The following ATP8A1 variants were observed in gnomAD, a reference collection of about 807,000 sequenced individuals.
The protein encoded by ATP8A1 is phospholipid-transporting ATPase IA.
A neutral mutation model predicts 177.7 loss-of-function variants in ATP8A1; 90 were observed. The ratio of observed to expected loss-of-function variants is 0.51; its 90% CI spans 0.43 to 0.60. The LOEUF (loss-of-function observed/expected upper bound fraction) is 0.60. Among genes scored for constraint, ATP8A1 ranks in the 20% least tolerant of loss-of-function variants. ATP8A1 has a pLI of 0.00. For synonymous variants in ATP8A1, 493 were observed against 485.9 expected, an observed-to-expected ratio of 1.01 and a Z score of -0.19; for missense variants, 1,072 against 1,392.8, an observed-to-expected ratio of 0.77 and a Z score of 3.67.
chr4:42,427,916 CCA>C (rs560660534), intron 33 of ATP8A1, among the ~76,000 whole-genome samples: 64 of 152,298 alleles, frequency 4.2e-4, no homozygotes, highest in African/African-American at 1.4e-3. Flanking sequence ...TACAAACATC[CCA>C]CACAACTAAT....
intron 15 of ATP8A1, among the ~76,000 whole-genome samples, chr4:42,558,059 A>C (rs1730431202): frequency 6.6e-6 from 1 of 151,952 alleles, no homozygotes; most frequent in South Asian, 2.1e-4. Flanking sequence ...CAAAAACAAA[A>C]ACAAAAAAAC....
chr4:42,544,504 T>C (rs1363218227), intron 19 of ATP8A1, among the ~76,000 whole-genome samples: 1 of 152,216 alleles, frequency 6.6e-6, no homozygotes, highest in Non-Finnish European at 1.5e-5. Flanking sequence ...ACCACTGGCA[T>C]CATGCTAAAA....
At chr4:42,417,756 C>T (rs893830485) in intron 35 of ATP8A1, among the ~76,000 whole-genome samples, 1 of 152,108 alleles carries the variant, frequency 6.6e-6, no homozygotes, top group African/African-American at 2.4e-5. Context: ...AATAAATCTC[C>T]AAAAAGTACG....
intron 25 of ATP8A1, among the ~76,000 whole-genome samples, chr4:42,475,491 CA>C (rs10655191): frequency 0.41 from 53,889 of 132,558 alleles, 10,736 homozygotes; most frequent in South Asian, 0.49. Flanking sequence ...AAATATCAGA[CA>C]AAAAAAAAAA....
intron 4 of ATP8A1, 92 bp downstream of exon 4, chr4:42,624,444 G>T: frequency 1.5e-6 from 1 of 649,760 alleles, no homozygotes; most frequent in Non-Finnish European, 2.4e-6. Flanking sequence ...AACAGCCCAC[G>T]CCAAGAATTA....
chr4:42,554,794 G>A (rs193149378), intron 16 of ATP8A1, among the ~76,000 whole-genome samples: 17 of 151,986 alleles, frequency 1.1e-4, no homozygotes, highest in Admixed American at 1.0e-3. Flanking sequence ...GTCTGTGAGG[G>A]TGCTGCCAAA....
At chr4:42,498,388 T>A (rs2153192254) in intron 24 of ATP8A1, among the ~76,000 whole-genome samples, 1 of 152,342 alleles carries the variant, frequency 6.6e-6, no homozygotes, top group South Asian at 2.1e-4. Flanking sequence ...TTACATGGTG[T>A]TAGAATGTCA....
At position 42,456,274 on chromosome 4, in the gene ATP8A1, A is replaced by G. The variant is rs182188654; in HGVS notation, c.2620-675T>C. Among the ~76,000 whole-genome samples, 18 of 152,324 alleles carry G rather than the reference A, an allele frequency of 1.2e-4. No homozygotes were observed. In the East Asian group the frequency reaches 3.5e-3, roughly 29 times the overall value. On this transcript the variant is annotated intron_variant, in intron 27 of 36. Transcript: ENST00000381668. The stretch of plus-strand genomic sequence containing the variant: ...CTTCCAGTTGTTTGCTATTATAAAT[A>G]ACTCTAAACTGAAACCATATATCTC...
At chr4:42,433,257 A>G (rs1269197052) in intron 33 of ATP8A1, among the ~76,000 whole-genome samples, 1 of 147,472 alleles carries the variant, frequency 6.8e-6, no homozygotes, top group African/African-American at 2.5e-5. Context: ...ACTTTTCCAA[A>G]CAACAGCTTG....
chr4:42,551,958 C>T (rs1012900970), intron 17 of ATP8A1, among the ~76,000 whole-genome samples: 1 of 152,146 alleles, frequency 6.6e-6, no homozygotes, highest in African/African-American at 2.4e-5. Flanking sequence ...ACATTGAAAA[C>T]AGATCTAAAA....
At position 42,578,383 on chromosome 4, in the gene ATP8A1, A is replaced by G. The variant is rs748086966; in HGVS notation, c.1005T>C (p.Gly335=). The G allele has an allele frequency of 3.9e-5, 63 of 1,611,438 alleles. No homozygotes were observed. Among genetic ancestry groups the G allele is most frequent in the Middle Eastern group, 1.6e-4 (1 of 6,078 alleles). Residue 335 remains glycine (G), a synonymous_variant, in exon 12 of 37, where the codon GGT becomes GGC. Coordinates refer to ENST00000381668, the MANE Select transcript of ATP8A1 (RefSeq NM_006095.2). Reference sequence around the variant, plus strand: ...AATTCAGTCCAAAATTACTAGCGCCACCATCTGTTGGGAGAGGCAGGAAGA... The same window carrying G: ...AATTCAGTCCAAAATTACTAGCGCCGCCATCTGTTGGGAGAGGCAGGAAGA... ...GKDWYLNLNY[G]GASNFGLNFL...
chr4:42,584,275 G>A (rs1231695285), intron 9 of ATP8A1, among the ~76,000 whole-genome samples: 1 of 151,826 alleles, frequency 6.6e-6, no homozygotes, highest in East Asian at 1.9e-4. Flanking sequence ...AATGGAGGAG[G>A]AGAAAAGAGG....
intron 23 of ATP8A1, among the ~76,000 whole-genome samples, chr4:42,504,590 C>T (rs534621649): frequency 1.3e-5 from 2 of 152,232 alleles, no homozygotes; most frequent in Non-Finnish European, 2.9e-5. Flanking sequence ...CACTTCTTAC[C>T]CTTTCCCTTG....
chr4:42,524,112 C>A (rs1398975573), intron 21 of ATP8A1, among the ~76,000 whole-genome samples: 1 of 152,086 alleles, frequency 6.6e-6, no homozygotes, highest in Non-Finnish European at 1.5e-5. Context: ...GTTTAACAAC[C>A]CTCGCTGCCT....
intron 27 of ATP8A1, among the ~76,000 whole-genome samples, chr4:42,455,861 T>A (rs10805102): frequency 4.3e-4 from 65 of 152,288 alleles, no homozygotes; most frequent in Non-Finnish European, 8.1e-4. Context: ...TTAAAAATGA[T>A]AAATAATCTT....
In ATP8A1 at chr4:42,465,085, G is replaced by C; in HGVS notation, c.2325-9C>G. The C allele has an allele frequency of 1.2e-6, 2 of 1,606,574 alleles. No individual in the cohort carries two copies. Among genetic ancestry groups the C allele is most frequent in the Non-Finnish European group, 1.7e-6 (2 of 1,174,814 alleles). On this transcript the variant is annotated splice_polypyrimidine_tract_variant and intron_variant, in intron 25 of 36. Coordinates refer to ENST00000381668, the MANE Select transcript of ATP8A1 (RefSeq NM_006095.2). ...TTTGAAGAGGAGAAACCCTGAAATT[G>C]AAACACATTATCAATTACTGTTTTC...
intron 16 of ATP8A1, among the ~76,000 whole-genome samples, chr4:42,554,104 A>G (rs1293947167): frequency 6.6e-6 from 1 of 152,196 alleles, no homozygotes; most frequent in Non-Finnish European, 1.5e-5. Context: ...CTTAAACAGG[A>G]TAGTGAGGGG....
intron 35 of ATP8A1, among the ~76,000 whole-genome samples, chr4:42,420,996 C>T (rs889705184): frequency 7.2e-5 from 11 of 152,074 alleles, no homozygotes; most frequent in Non-Finnish European, 1.2e-4. Flanking sequence ...TCTCGATCTC[C>T]TGACCTCGTG....
intron 19 of ATP8A1, among the ~76,000 whole-genome samples, chr4:42,547,300 A>G (rs769072674): frequency 6.6e-6 from 1 of 152,220 alleles, no homozygotes; most frequent in Non-Finnish European, 1.5e-5. Context: ...TCTCTCAGAT[A>G]TTCCTCTACA....
Sources: allele counts gnomAD v4.1 joint callset (sites outside exome capture counted in the v4.1 genomes callset), GRCh38; gene constraint gnomAD v4.1.1; transcripts MANE v1.5; gene names NCBI Gene and HGNC (gene_info 2026-07-23, HGNC 2026-07-21).